Variants in ARK2C observed in about 807,000 individuals in gnomAD.
The protein encoded by ARK2C is E3 ubiquitin-protein ligase ARK2C.
At chr18:46,375,621 T>G in the ARK2C span, among the ~76,000 whole-genome samples, 1 of 151,802 alleles carries the variant, frequency 6.6e-6, no homozygotes, top group Non-Finnish European at 1.5e-5. Flanking sequence ...TCCATTTCCT[T>G]AGCTCCTTGA....
chr18:46,388,825 G>C, the ARK2C span, among the ~76,000 whole-genome samples: 1 of 152,100 alleles, frequency 6.6e-6, no homozygotes, highest in Non-Finnish European at 1.5e-5. Flanking sequence ...TTGTGGAGAG[G>C]TGGGTGTGGG....
At chr18:46,388,813 T>A in the ARK2C span, among the ~76,000 whole-genome samples, 5 of 152,182 alleles carry the variant, frequency 3.3e-5, no homozygotes, top group Non-Finnish European at 7.4e-5. Flanking sequence ...AGAGGTGTGT[T>A]TTTGTGGAGA....
chr18:46,434,918 T>A, the ARK2C span, among the ~76,000 whole-genome samples: 1 of 151,862 alleles, frequency 6.6e-6, no homozygotes, highest in African/African-American at 2.4e-5. Flanking sequence ...GAGGGGTGCA[T>A]AGAGCCTGTA....
the ARK2C span, among the ~76,000 whole-genome samples, chr18:46,454,110 CAAAAAAA>C: frequency 0.07 from 1,144 of 16,424 alleles, 10 homozygotes; most frequent in African/African-American, 0.18. Context: ...AAGGCCGTCT[CAAAAAAA>C]AAAAAAAAAA....
the ARK2C span, among the ~76,000 whole-genome samples, chr18:46,453,850 G>T: frequency 6.6e-6 from 1 of 151,780 alleles, no homozygotes. Context: ...AGGGGGCTGG[G>T]CACACTGGCT....
chr18:46,456,765 A>C, the ARK2C span: 6 of 731,152 alleles, frequency 8.2e-6, no homozygotes, highest in Non-Finnish European at 1.5e-5. Context: ...ATTTTGTGGA[A>C]AGAGGAGTTG....
At chr18:46,411,961 G>T in the ARK2C span, among the ~76,000 whole-genome samples, 2 of 152,236 alleles carry the variant, frequency 1.3e-5, no homozygotes, top group Admixed American at 6.5e-5. Flanking sequence ...ATGATGCCAG[G>T]CTCCCTGGGC....
chr18:46,386,000 C>A, the ARK2C span: 1 of 152,180 alleles, frequency 6.6e-6, no homozygotes, highest in East Asian at 1.9e-4. Context: ...CCCTTGTCTC[C>A]GGAAGGGAGT....
At chr18:46,396,217 ACT>A in the ARK2C span, among the ~76,000 whole-genome samples, 12 of 152,086 alleles carry the variant, frequency 7.9e-5, no homozygotes, top group African/African-American at 2.4e-4. Context: ...GGGGAAATAG[ACT>A]CTACCTCTTG....
the ARK2C span, among the ~76,000 whole-genome samples, chr18:46,401,511 C>T: frequency 6.6e-6 from 1 of 152,194 alleles, no homozygotes; most frequent in African/African-American, 2.4e-5. Context: ...CTTCTGGAGA[C>T]GTGAAGTGAT....
the ARK2C span, among the ~76,000 whole-genome samples, chr18:46,406,180 C>T: frequency 1.3e-5 from 2 of 152,206 alleles, no homozygotes; most frequent in South Asian, 2.1e-4. Context: ...ACCCCCAATA[C>T]GCCTGCATCC....
chr18:46,378,506 A>G, the ARK2C span, among the ~76,000 whole-genome samples: 5 of 152,198 alleles, frequency 3.3e-5, no homozygotes, highest in African/African-American at 7.2e-5. Flanking sequence ...CCCAAACTGG[A>G]AAGGCTTCGG....
the ARK2C span, among the ~76,000 whole-genome samples, chr18:46,398,539 G>C: frequency 6.6e-6 from 1 of 152,060 alleles, no homozygotes; most frequent in Non-Finnish European, 1.5e-5. Context: ...TGAGATATCA[G>C]AGAGTGTGGC....
chr18:46,379,622 A>C, the ARK2C span, among the ~76,000 whole-genome samples: 70 of 152,356 alleles, frequency 4.6e-4, 1 homozygote, highest in Non-Finnish European at 1.3e-4. Flanking sequence ...AGCCACCTTC[A>C]GAATTCTTCT....
the ARK2C span, among the ~76,000 whole-genome samples, chr18:46,439,350 T>G: frequency 6.6e-6 from 1 of 152,152 alleles, no homozygotes; most frequent in Non-Finnish European, 1.5e-5. Context: ...CATAGGAAGT[T>G]AGTGATCAGG....
chr18:46,338,376 C>T, the ARK2C span, among the ~76,000 whole-genome samples: 2 of 152,240 alleles, frequency 1.3e-5, no homozygotes, highest in Non-Finnish European at 2.9e-5. Flanking sequence ...GGACCTGTTA[C>T]TGTAGGAATA....
the ARK2C span, among the ~76,000 whole-genome samples, chr18:46,402,295 T>C: frequency 5.3e-5 from 8 of 151,892 alleles, no homozygotes; most frequent in African/African-American, 1.9e-4. Context: ...TGTTAAAAAC[T>C]TGTATTTAGT....
chr18:46,403,462 C>T, the ARK2C span, among the ~76,000 whole-genome samples: 2 of 152,184 alleles, frequency 1.3e-5, no homozygotes, highest in Admixed American at 6.5e-5. Context: ...GTATCCATTA[C>T]CTAGACTACA....
the ARK2C span, among the ~76,000 whole-genome samples, chr18:46,425,000 G>T: frequency 2.0e-5 from 3 of 152,154 alleles, no homozygotes; most frequent in African/African-American, 7.2e-5. Context: ...CCCTGTGGCC[G>T]GCTGTCCTGT....
Sources: gnomAD v4.1 joint callset for allele counts (sites outside exome capture counted in the v4.1 genomes callset) on GRCh38, gnomAD v4.1.1 for gene constraint, MANE v1.5 for transcripts, NCBI Gene and HGNC (gene_info 2026-07-23, HGNC 2026-07-21) for gene names.